Variants in TRERF1 observed in about 807,000 individuals in gnomAD.
TRERF1 encodes transcriptional regulating factor 1.
In TRERF1, 27 loss-of-function variants were observed where a neutral mutation model predicts 122.9. The observed-to-expected ratio is 0.22, with a 90% CI of 0.16 to 0.30. The LOEUF is 0.30. Ranked by LOEUF, TRERF1 falls within the 10% of genes least tolerant of loss-of-function variation. The pLI is 1.00. For missense variants in TRERF1, 1,248 were observed against 1,560.3 expected, an observed-to-expected ratio of 0.80 and a Z score of 3.37; for synonymous variants, 636 against 641.7, an observed-to-expected ratio of 0.99 and a Z score of 0.13.
chr6:42,346,445 G>A (rs1368506141), intron 3 of TRERF1, among the ~76,000 whole-genome samples: 1 of 152,206 alleles, frequency 6.6e-6, no homozygotes, highest in East Asian at 1.9e-4. Context: ...GCCAACCAGA[G>A]CCAGAGAGGA....
At chr6:42,249,788 G>C (rs1775439347) in intron 13 of TRERF1, among the ~76,000 whole-genome samples, 1 of 152,192 alleles carries the variant, frequency 6.6e-6, no homozygotes, top group Non-Finnish European at 1.5e-5. Flanking sequence ...AAATGATAGT[G>C]CTCTGTGTGT....
intron 2 of TRERF1, among the ~76,000 whole-genome samples, chr6:42,419,897 G>A (rs1554212148): frequency 6.6e-6 from 1 of 152,222 alleles, no homozygotes; most frequent in Non-Finnish European, 1.5e-5. Context: ...TACACACTGG[G>A]TGTTAATGCT....
intron 2 of TRERF1, among the ~76,000 whole-genome samples, chr6:42,375,221 A>G (rs1391378245): frequency 6.6e-6 from 1 of 152,094 alleles, no homozygotes; most frequent in African/African-American, 2.4e-5. Context: ...GGCATATGGT[A>G]GGCACTTCAT....
intron 4 of TRERF1, among the ~76,000 whole-genome samples, chr6:42,280,113 G>A (rs1180208963): frequency 2.0e-5 from 3 of 151,708 alleles, no homozygotes; most frequent in African/African-American, 7.3e-5. Flanking sequence ...TGTAAATACC[G>A]GCGGCGACAC....
chr6:42,370,586 T>C (rs917169679), intron 2 of TRERF1, among the ~76,000 whole-genome samples: 2 of 152,040 alleles, frequency 1.3e-5, no homozygotes, highest in South Asian at 2.1e-4. Context: ...GAAACCTACA[T>C]AGTTTAAAAA....
Position 42,258,464 on chromosome 6 carries a change from T to G in TRERF1, c.2270-263A>C, listed in dbSNP as rs557717766. Among the ~76,000 whole-genome samples the G allele has an allele frequency of 2.0e-5, 3 of 152,360 alleles. No individual in the cohort carries two copies. The South Asian group carries it at 6.2e-4, about 32-fold the overall frequency. The stretch of plus-strand genomic sequence containing the variant: ...CGGTATGATTTCTATGCAATTATTC[T>G]TGCTCCAGAAAGAGATCCTAGCCTC... On this transcript the variant is annotated intron_variant, in intron 9 of 17. Transcript: ENST00000372922.
At chr6:42,236,941 ACT>A (rs1452863617) in intron 15 of TRERF1, among the ~76,000 whole-genome samples, 1 of 152,206 alleles carries the variant, frequency 6.6e-6, no homozygotes, top group East Asian at 1.9e-4. Context: ...AAAGCACGTG[ACT>A]CAAGGGGAGC....
intron 2 of TRERF1, among the ~76,000 whole-genome samples, chr6:42,413,660 C>T (rs1436651822): frequency 6.6e-6 from 1 of 151,954 alleles, no homozygotes; most frequent in Non-Finnish European, 1.5e-5. Context: ...GATCTCTTGA[C>T]CTCGTGATCC....
chr6:42,430,894 C>CAA (rs11295004), intron 2 of TRERF1, among the ~76,000 whole-genome samples: 6 of 122,372 alleles, frequency 4.9e-5, no homozygotes, highest in African/African-American at 1.9e-4. Flanking sequence ...GACTCCATCT[C>CAA]AAAAAAAAAA....
intron 2 of TRERF1, among the ~76,000 whole-genome samples, chr6:42,423,621 G>A (rs1286923524): frequency 2.0e-5 from 3 of 151,878 alleles, no homozygotes; most frequent in Non-Finnish European, 4.4e-5. Flanking sequence ...CATTTGTAGT[G>A]ATCAAAAAAT....
chr6:42,228,244 G>T lies in TRERF1; in HGVS notation c.*101C>A. On this transcript the variant is annotated 3_prime_UTR_variant, in exon 18 of 18. Transcript: ENST00000372922. This position sits in a 1 kb window ranked among gnomAD's most constrained non-coding sequence, Gnocchi z 4.2. ...AATAAAATGACCACTTTTAAAACAG[G>T]TAGTTTAAAAGGGTTACAAAACAAG... The T allele has an allele frequency of 1.0e-6, 1 of 983,704 alleles. No individual in the cohort carries two copies. Among genetic ancestry groups the T allele is most frequent in the Non-Finnish European group, 1.4e-6 (1 of 691,254 alleles). 60.9% of individuals were successfully genotyped at this position (983,704 alleles called of 1,614,324 possible). A position where few individuals can be genotyped will look rare whatever the true frequency, so the allele number is the denominator to read the frequency against.
intron 16 of TRERF1, among the ~76,000 whole-genome samples, chr6:42,235,290 G>A (rs1306319525): frequency 6.6e-6 from 1 of 152,074 alleles, no homozygotes; most frequent in African/African-American, 2.4e-5. Context: ...CTCTGCAAGG[G>A]GCAACATTAT....
intron 12 of TRERF1, among the ~76,000 whole-genome samples, chr6:42,256,236 C>T (rs1351423346): frequency 2.6e-5 from 4 of 151,128 alleles, no homozygotes; most frequent in Non-Finnish European, 5.9e-5. Flanking sequence ...ATCTGCAGAA[C>T]TGTGTTAAAA....
chr6:42,339,523 AC>A (rs1766848246), intron 3 of TRERF1, among the ~76,000 whole-genome samples: 1 of 152,224 alleles, frequency 6.6e-6, no homozygotes, highest in Admixed American at 6.5e-5. Context: ...TACGAATTGT[AC>A]CCAAAGCTGC....
rs376778086 is a variant in TRERF1, at chr6:42,268,853, C to T, written c.738G>A (p.Gln246=). The change falls in exon 5 of 18, where the codon CAG becomes CAA. Residue 246 remains glutamine (Q), a synonymous_variant. Transcript: ENST00000372922. The surrounding 1 kb of genome is among the most constrained non-coding windows in gnomAD (Gnocchi z 4.4). ...GTGGGGCCTGCAGTGGCTGTCCTCC[C>T]TGCACTGGCACCTGAGCCAGAGGCT... 6 of 1,614,156 alleles carry T rather than the reference C, an allele frequency of 3.7e-6. No individual in the cohort carries two copies. The highest frequency in any genetic ancestry group is 1.6e-4 in the Middle Eastern group (1 of 6,062).
Position 42,228,322 on chromosome 6 carries a change from G to T in TRERF1, c.*23C>A. On this transcript the variant is annotated 3_prime_UTR_variant, in exon 18 of 18. Coordinates refer to ENST00000372922, the Ensembl canonical transcript of TRERF1. The surrounding 1 kb of genome is among the most constrained non-coding windows in gnomAD (Gnocchi z 4.2). ...AAGATGGAGGCCGTGGGTTTTCACT[G>T]TCTCTAAGTGACACACAGGGCTTTA... 6.3e-7 allele frequency: 1 copy of T among 1,576,698 alleles called. No homozygotes were observed. The highest frequency in any genetic ancestry group is 8.6e-7 in the Non-Finnish European group (1 of 1,158,510).
Position 42,228,481 on chromosome 6 carries a change from A to C in TRERF1, c.3467T>G (p.Ile1156Ser), listed in dbSNP as rs1170627893. The stretch of plus-strand genomic sequence containing the variant: ...GTCGTCGAGGATGTCCACATCCTTG[A>C]TGGGTTTGATCAGACTCAGCTGGTC... Residue 1156 changes from isoleucine to serine, a missense_variant, in exon 18 of 18, where the codon ATC becomes AGC. Transcript: ENST00000372922. The surrounding 1 kb of genome is among the most constrained non-coding windows in gnomAD (Gnocchi z 4.2). 4 of 1,614,130 alleles carry C rather than the reference A, an allele frequency of 2.5e-6. No individual in the cohort carries two copies. The highest frequency in any genetic ancestry group is 3.4e-6 in the Non-Finnish European group (4 of 1,180,010).
At chr6:42,368,138 G>A (rs761400378) in intron 2 of TRERF1, among the ~76,000 whole-genome samples, 9 of 152,130 alleles carry the variant, frequency 5.9e-5, no homozygotes, top group Admixed American at 1.3e-4. Flanking sequence ...CCAAGTGCCC[G>A]TGGAATGGGC....
chr6:42,425,278 T>TTAGCTC (rs1468732612), intron 2 of TRERF1, among the ~76,000 whole-genome samples: 4 of 152,112 alleles, frequency 2.6e-5, no homozygotes, highest in African/African-American at 9.7e-5. Flanking sequence ...AGAGCTACCA[T>TTAGCTC]TTACACAGTG....
Sources: allele counts gnomAD v4.1 joint callset (sites outside exome capture counted in the v4.1 genomes callset), GRCh38; gene constraint gnomAD v4.1.1; non-coding constraint Gnocchi (gnomAD v3.1); transcripts MANE v1.5; gene names NCBI Gene and HGNC (gene_info 2026-07-23, HGNC 2026-07-21).